RGS6: variants seen among roughly 807,000 people sequenced by gnomAD.
RGS6 encodes regulator of G protein signaling 6, also known as regulator of G-protein signaling 6.
In RGS6, 30 loss-of-function variants were observed where a neutral mutation model predicts 78.5. The observed-to-expected ratio is 0.38, with a 90% CI of 0.29 to 0.52. RGS6 has a LOEUF of 0.52. Among genes scored for constraint, RGS6 ranks in the 20% least tolerant of loss-of-function variants. The pLI, the probability that RGS6 is intolerant of heterozygous loss-of-function variation, is 0.85. For synonymous variants in RGS6, 206 were observed against 206.0 expected, an observed-to-expected ratio of 1.00 and a Z score of 0.00; for missense variants, 495 against 609.7, an observed-to-expected ratio of 0.81 and a Z score of 1.98.
At chr14:72,142,572 C>T (rs1202219978) in intron 2 of RGS6, among the ~76,000 whole-genome samples, 3 of 152,136 alleles carry the variant, frequency 2.0e-5, no homozygotes, top group East Asian at 3.9e-4. Context: ...AGTGGCCTTC[C>T]AGCTGGTTTG....
At chr14:72,608,144 C>T in the RGS6 span, among the ~76,000 whole-genome samples, 1 of 152,200 alleles carries the variant, frequency 6.6e-6, no homozygotes, top group Non-Finnish European at 1.5e-5. Flanking sequence ...TGTACTATTA[C>T]CTGTCTGGTG....
chr14:72,286,634 C>T (rs2062609502), intron 2 of RGS6, among the ~76,000 whole-genome samples: 1 of 152,046 alleles, frequency 6.6e-6, no homozygotes, highest in Non-Finnish European at 1.5e-5. Context: ...GTCTTCTAGT[C>T]CACAAACACA....
At chr14:71,966,127 C>T (rs2093496592) in intron 2 of RGS6, among the ~76,000 whole-genome samples, 1 of 152,130 alleles carries the variant, frequency 6.6e-6, no homozygotes, top group African/African-American at 2.4e-5. Flanking sequence ...AACTAACTCT[C>T]TTGTATGTTA....
upstream of RGS6, among the ~76,000 whole-genome samples, chr14:71,932,052 TAAGAG>T (rs1046929198): frequency 1.3e-5 from 2 of 152,236 alleles, no homozygotes; most frequent in African/African-American, 4.8e-5. Flanking sequence ...CGGGAATCCC[TAAGAG>T]AACCTTGACG....
At chr14:72,452,368 G>A (rs146211966) in intron 3 of RGS6, among the ~76,000 whole-genome samples, 37 of 152,264 alleles carry the variant, frequency 2.4e-4, no homozygotes, top group African/African-American at 8.4e-4. Context: ...GGTTGGCGCG[G>A]GGAAACTGCA....
At chr14:71,931,175 A>T (rs1380636079), upstream of RGS6, among the ~76,000 whole-genome samples, 1 of 152,092 alleles carries the variant, frequency 6.6e-6, no homozygotes, top group Non-Finnish European at 1.5e-5. Flanking sequence ...CAGCTTTAAT[A>T]AACAACTGGG....
intron 2 of RGS6, among the ~76,000 whole-genome samples, chr14:72,083,437 G>T (rs1012791086): frequency 3.3e-5 from 5 of 152,120 alleles, no homozygotes; most frequent in Non-Finnish European, 5.9e-5. Flanking sequence ...AATGTTAATA[G>T]TGTCAAGGTT....
intron 3 of RGS6, among the ~76,000 whole-genome samples, chr14:72,452,108 G>T (rs1437870424): frequency 2.6e-5 from 4 of 152,042 alleles, no homozygotes; most frequent in African/African-American, 7.2e-5. Flanking sequence ...CCCCCAGCTT[G>T]GGACTACAGT....
chr14:72,560,808 G>A (rs1319387474), intron 17 of RGS6, among the ~76,000 whole-genome samples: 4 of 128,052 alleles, frequency 3.1e-5, no homozygotes, highest in African/African-American at 1.8e-4. Flanking sequence ...GTGTGTGTGT[G>A]TGTGTGTGTG....
At chr14:72,060,198 C>A (rs1044444701) in intron 2 of RGS6, among the ~76,000 whole-genome samples, 2 of 152,080 alleles carry the variant, frequency 1.3e-5, no homozygotes, top group Non-Finnish European at 2.9e-5. Flanking sequence ...GAATCAAGAG[C>A]TGGTAGAGTG....
chr14:72,422,865 G>A (rs75367780), intron 3 of RGS6, among the ~76,000 whole-genome samples: 76 of 152,324 alleles, frequency 5.0e-4, no homozygotes, highest in Non-Finnish European at 8.8e-4. Context: ...GCAAGTCAAG[G>A]AGCACCGAGG....
chr14:72,061,204 T>C (rs2093876851), intron 2 of RGS6, among the ~76,000 whole-genome samples: 1 of 152,234 alleles, frequency 6.6e-6, no homozygotes, highest in Non-Finnish European at 1.5e-5. Context: ...AGTGTTGAGA[T>C]GGACCCTTTG....
chr14:72,456,418 T>C (rs2095632592), intron 4 of RGS6, among the ~76,000 whole-genome samples: 1 of 152,180 alleles, frequency 6.6e-6, no homozygotes, highest in Admixed American at 6.5e-5. Context: ...GTCTCCCGAG[T>C]AGCTGGGACT....
chr14:72,023,200 A>G (rs549636837), intron 2 of RGS6, among the ~76,000 whole-genome samples: 2 of 152,330 alleles, frequency 1.3e-5, no homozygotes, highest in African/African-American at 4.8e-5. Flanking sequence ...TTTCTAAGCA[A>G]TGGTCTTGGG....
intron 2 of RGS6, among the ~76,000 whole-genome samples, chr14:72,024,614 C>A (rs1030718162): frequency 6.6e-6 from 1 of 152,126 alleles, no homozygotes; most frequent in African/African-American, 2.4e-5. Flanking sequence ...CTGATGAGTA[C>A]CTATGTTGAA....
At chr14:72,282,433 T>C (rs1385185432) in intron 2 of RGS6, among the ~76,000 whole-genome samples, 1 of 151,972 alleles carries the variant, frequency 6.6e-6, no homozygotes, top group Non-Finnish European at 1.5e-5. Flanking sequence ...TCTAACAGAG[T>C]TGCAGTTTCC....
intron 1 of RGS6, among the ~76,000 whole-genome samples, chr14:71,933,474 A>G (rs2088260095): frequency 6.6e-6 from 1 of 152,162 alleles, no homozygotes; most frequent in African/African-American, 2.4e-5. Flanking sequence ...AGCGGTGGCT[A>G]TTCGCTTGGA....
Position 72,209,326 on chromosome 14 carries a change from G to A in RGS6, c.85-142769G>A, listed in dbSNP as rs186282678. ...AGTATACATATTCTATTCTTTAAAA[G>A]GCAATAATCATTTGAATCTTTTGAG... On this transcript the variant is annotated intron_variant, in intron 2 of 17. Transcript: ENST00000553525. 2.4e-4 allele frequency among the ~76,000 whole-genome samples: 36 copies of A among 152,200 alleles called. 1 individual carries two copies. The East Asian group carries it at 6.6e-3, about 28-fold the overall frequency.
At chr14:71,939,728 A>G (rs1466314240) in intron 1 of RGS6, among the ~76,000 whole-genome samples, 1 of 152,240 alleles carries the variant, frequency 6.6e-6, no homozygotes, top group Non-Finnish European at 1.5e-5. Flanking sequence ...ATAATCCACT[A>G]TCATTCTCCA....
Sources: allele counts gnomAD v4.1 joint callset (sites outside exome capture counted in the v4.1 genomes callset), GRCh38; gene constraint gnomAD v4.1.1; transcripts MANE v1.5; gene names NCBI Gene and HGNC (gene_info 2026-07-23, HGNC 2026-07-21).